Variants in GLIS1 observed in about 807,000 individuals in gnomAD.
GLIS1 encodes the protein zinc finger protein GLIS1.
A neutral mutation model predicts 63.8 loss-of-function variants in GLIS1; 24 were observed. The ratio of observed to expected loss-of-function variants is 0.38; its 90% CI spans 0.27 to 0.53. The LOEUF (loss-of-function observed/expected upper bound fraction) is 0.53, where lower values mean the gene tolerates loss of function less well. GLIS1 is among the 20% of genes least tolerant of loss of function. The pLI is 0.85. For synonymous variants in GLIS1, 450 were observed against 482.5 expected (o/e 0.93, Z 0.88); for missense variants, 1,036 against 1,074.1 (o/e 0.96, Z 0.50).
At chr1:53,675,693 G>A (rs1481953366) in intron 2 of GLIS1, among the ~76,000 whole-genome samples, 3 of 152,156 alleles carry the variant, frequency 2.0e-5, no homozygotes, top group Admixed American at 6.5e-5. Flanking sequence ...GCAAGAGGAC[G>A]GTTTTCCTCA....
intron 5 of GLIS1, among the ~76,000 whole-genome samples, chr1:53,527,248 C>T (rs908813837): frequency 9.2e-5 from 14 of 152,220 alleles, no homozygotes; most frequent in Admixed American, 4.6e-4. Context: ...GAGAGAGAAT[C>T]ATCCCAGTGG....
At chr1:53,728,898 A>C (rs1646831363) in intron 2 of GLIS1, among the ~76,000 whole-genome samples, 1 of 152,250 alleles carries the variant, frequency 6.6e-6, no homozygotes, top group Admixed American at 6.5e-5. Context: ...GCTGGCTGTC[A>C]ATCTACATGC....
intron 2 of GLIS1, among the ~76,000 whole-genome samples, chr1:53,677,257 A>G (rs1352455248): frequency 6.6e-6 from 1 of 152,240 alleles, no homozygotes; most frequent in African/African-American, 2.4e-5. Flanking sequence ...AACGAACAAA[A>G]TTGGTGGAAC....
At chr1:53,735,990 T>C (rs1221116387) in intron 2 of GLIS1, among the ~76,000 whole-genome samples, 1 of 152,178 alleles carries the variant, frequency 6.6e-6, no homozygotes, top group Non-Finnish European at 1.5e-5. Flanking sequence ...GTGGCTTCCC[T>C]AACCACTGCC....
At position 53,650,902 on chromosome 1, in the gene GLIS1, A is replaced by G. The variant is rs545269197; in HGVS notation, c.260-50624T>C. Among the ~76,000 whole-genome samples, 3 of 152,210 alleles carry G rather than the reference A, an allele frequency of 2.0e-5. No individual in the cohort carries two copies. The South Asian group carries it at 6.2e-4, about 32-fold the overall frequency. On this transcript the variant is annotated intron_variant, in intron 2 of 10. Coordinates refer to ENST00000628545, the MANE Select transcript of GLIS1 (RefSeq NM_001367484.1). ...CAGCCTCTAATAAAACCTCCTCACC[A>G]TCCTCTCTCAGGCATCGAACACTGG...
chr1:53,650,979 C>T (rs1002816180), intron 2 of GLIS1, among the ~76,000 whole-genome samples: 1 of 152,216 alleles, frequency 6.6e-6, no homozygotes, highest in Non-Finnish European at 1.5e-5. Context: ...TCCTTCTAGC[C>T]CTGTGGCGTT....
chr1:53,569,621 TAAAAC>T (rs908826486), intron 4 of GLIS1, among the ~76,000 whole-genome samples: 4 of 152,020 alleles, frequency 2.6e-5, no homozygotes, highest in Non-Finnish European at 2.9e-5. Context: ...CTGAAAAAGA[TAAAAC>T]AAAGTATAAA....
Position 53,526,037 on chromosome 1 carries a change from G to A in GLIS1, c.1483-1150C>T, listed in dbSNP as rs1401014831. Among the ~76,000 whole-genome samples, 9 of 152,256 alleles carry A rather than the reference G, an allele frequency of 5.9e-5. No individual in the cohort carries two copies. The highest frequency in any genetic ancestry group is 1.3e-4 in the Admixed American group (2 of 15,302). Reference sequence around the variant, plus strand: ...AGGACCCTGCTTGAGGACTCTGGCCGCTGCTGGGGCTTGAAGCTTACAAGG... The same window carrying A: ...AGGACCCTGCTTGAGGACTCTGGCCACTGCTGGGGCTTGAAGCTTACAAGG... On this transcript the variant is annotated intron_variant, in intron 5 of 10. Transcript: ENST00000628545. The surrounding 1 kb of genome is among the most constrained non-coding windows in gnomAD (Gnocchi z 4.4).
intron 2 of GLIS1, among the ~76,000 whole-genome samples, chr1:53,643,860 A>G (rs1242162386): frequency 1.3e-5 from 2 of 152,162 alleles, no homozygotes; most frequent in Admixed American, 6.5e-5. Flanking sequence ...GTCCCCCAGT[A>G]AGCTAGGGGG....
At chr1:53,572,581 G>A (rs548894754) in intron 4 of GLIS1, among the ~76,000 whole-genome samples, 4 of 152,306 alleles carry the variant, frequency 2.6e-5, no homozygotes, top group East Asian at 1.9e-4. Context: ...AACAGCCTCC[G>A]TGCAGTCAGG....
chr1:53,648,730 G>A (rs1202665279), intron 2 of GLIS1, among the ~76,000 whole-genome samples: 2 of 152,126 alleles, frequency 1.3e-5, no homozygotes, highest in African/African-American at 2.4e-5. Flanking sequence ...AATCGGACAC[G>A]AGAGAGTATG....
At chr1:53,659,314 G>A (rs546264862) in intron 2 of GLIS1, among the ~76,000 whole-genome samples, 2 of 152,302 alleles carry the variant, frequency 1.3e-5, no homozygotes, top group South Asian at 2.1e-4. Context: ...CAGGTGGCTC[G>A]GCTCTGCAGG....
At chr1:53,669,432 G>A (rs2100390442) in intron 2 of GLIS1, among the ~76,000 whole-genome samples, 1 of 152,344 alleles carries the variant, frequency 6.6e-6, no homozygotes, top group Non-Finnish European at 1.5e-5. Flanking sequence ...AAAGGGAGAA[G>A]GGAAGGGGAG....
At chr1:53,706,325 TA>T (rs1646578926) in intron 2 of GLIS1, among the ~76,000 whole-genome samples, 1 of 152,218 alleles carries the variant, frequency 6.6e-6, no homozygotes, top group South Asian at 2.1e-4. Flanking sequence ...CTGGTCTCTG[TA>T]GGAAAGCACT....
intron 4 of GLIS1, among the ~76,000 whole-genome samples, chr1:53,538,307 T>C (rs746874449): frequency 3.4e-4 from 52 of 152,140 alleles, no homozygotes; most frequent in Non-Finnish European, 6.5e-4. Context: ...CCTGCATACA[T>C]GAATGGAAAG....
intron 2 of GLIS1, among the ~76,000 whole-genome samples, chr1:53,675,998 G>A (rs1646207785): frequency 6.6e-6 from 1 of 152,108 alleles, no homozygotes; most frequent in South Asian, 2.1e-4. Flanking sequence ...GGGGAAAAAA[G>A]GCACAGTTAA....
chr1:53,728,381 T>G (rs554140341), intron 2 of GLIS1, among the ~76,000 whole-genome samples: 1 of 152,236 alleles, frequency 6.6e-6, no homozygotes, highest in South Asian at 2.1e-4. Flanking sequence ...TGCCAGTCTG[T>G]TTTTTAAGCA....
intron 2 of GLIS1, among the ~76,000 whole-genome samples, chr1:53,661,472 A>G (rs1646027544): frequency 6.6e-6 from 1 of 152,196 alleles, no homozygotes; most frequent in Non-Finnish European, 1.5e-5. Context: ...CAATCCCCCA[A>G]CATCGAAAAC....
chr1:53,599,293 T>C (rs1012639369), intron 3 of GLIS1, among the ~76,000 whole-genome samples: 1 of 152,216 alleles, frequency 6.6e-6, no homozygotes, highest in Non-Finnish European at 1.5e-5. Flanking sequence ...CTCTGCCTCA[T>C]GTATGGATGA....
Sources: gnomAD v4.1 joint callset for allele counts (sites outside exome capture counted in the v4.1 genomes callset) on GRCh38, gnomAD v4.1.1 for gene constraint, Gnocchi (gnomAD v3.1) non-coding constraint, MANE v1.5 for transcripts, NCBI Gene and HGNC (gene_info 2026-07-23, HGNC 2026-07-21) for gene names.